Variants in DLG1 observed in about 807,000 individuals in gnomAD.
DLG1 encodes the protein disks large homolog 1.
A neutral mutation model predicts 123.4 loss-of-function variants in DLG1; 42 were observed. The ratio of observed to expected loss-of-function variants is 0.34; its 90% CI spans 0.27 to 0.44. The LOEUF is 0.44. Among genes scored for constraint, DLG1 ranks in the 20% least tolerant of loss-of-function variants. The probability of loss-of-function intolerance (pLI) is 1.00; values close to 1 mark genes in which losing one functional copy is unlikely to be tolerated. For synonymous variants in DLG1, 317 were observed against 356.2 expected (o/e 0.89, Z 1.24); for missense variants, 942 against 1,082.6 (o/e 0.87, Z 1.82).
At chr3:197,146,017 TA>T (rs1328575682) in intron 6 of DLG1, among the ~76,000 whole-genome samples, 2 of 149,226 alleles carry the variant, frequency 1.3e-5, no homozygotes, top group Non-Finnish European at 3.0e-5. Flanking sequence ...AATAAATAAA[TA>T]AAATAAAATA....
At chr3:197,228,692 G>T (rs2923680) in intron 4 of DLG1, among the ~76,000 whole-genome samples, 44,275 of 151,926 alleles carry the variant, frequency 0.29, 6,765 homozygotes, top group South Asian at 0.4. Context: ...TGATAGATTT[G>T]CACTAAAGTG....
intron 4 of DLG1, among the ~76,000 whole-genome samples, chr3:197,253,550 G>A (rs761782797): frequency 4.6e-5 from 7 of 152,130 alleles, no homozygotes; most frequent in African/African-American, 9.6e-5. Context: ...TTCACTCCCC[G>A]GCAATCTCTT....
chr3:197,247,989 CCTTTGA>C (rs1185878373), intron 4 of DLG1, among the ~76,000 whole-genome samples: 1 of 152,050 alleles, frequency 6.6e-6, no homozygotes, highest in Non-Finnish European at 1.5e-5. Context: ...TCAGTATAAG[CCTTTGA>C]CTTTGACTCC....
chr3:197,223,935 C>T (rs928746922), intron 4 of DLG1, among the ~76,000 whole-genome samples: 1 of 152,124 alleles, frequency 6.6e-6, no homozygotes, highest in East Asian at 1.9e-4. Context: ...TATTTCTACA[C>T]GTCTCTTGTC....
At chr3:197,287,403 A>G (rs1407238359) in intron 3 of DLG1, among the ~76,000 whole-genome samples, 3 of 152,238 alleles carry the variant, frequency 2.0e-5, no homozygotes, top group African/African-American at 7.2e-5. Context: ...CAATCTTGGC[A>G]ATAGATTATA....
intron 11 of DLG1, 74 bp downstream of exon 11, chr3:197,130,453 G>A: frequency 8.0e-7 from 1 of 1,244,702 alleles, no homozygotes; most frequent in Non-Finnish European, 1.1e-6. Context: ...TTATTATACT[G>A]AGAACATTTC....
At chr3:197,257,482 C>T (rs1336736545) in intron 4 of DLG1, among the ~76,000 whole-genome samples, 3 of 152,118 alleles carry the variant, frequency 2.0e-5, no homozygotes, top group African/African-American at 7.2e-5. Context: ...GGAACTGTTT[C>T]AGAAGACAAG....
intron 4 of DLG1, among the ~76,000 whole-genome samples, chr3:197,255,432 T>C (rs759763008): frequency 2.0e-5 from 3 of 152,214 alleles, no homozygotes; most frequent in Non-Finnish European, 4.4e-5. Flanking sequence ...AAGTGTGTCA[T>C]TGATTCCTGC....
At chr3:197,070,737 T>A (rs1368980079) in intron 18 of DLG1, 1 of 151,802 alleles carries the variant, frequency 6.6e-6, no homozygotes, top group Non-Finnish European at 1.5e-5. Context: ...CATGCCCAAC[T>A]AATTTTTCTA....
intron 5 of DLG1, among the ~76,000 whole-genome samples, chr3:197,186,518 A>G (rs1430442798): frequency 6.6e-6 from 1 of 152,214 alleles, no homozygotes; most frequent in African/African-American, 2.4e-5. Context: ...TAAACAATAG[A>G]GAAAGCTTAA....
At chr3:197,070,020 C>T (rs1742516674) in intron 18 of DLG1, 1 of 152,166 alleles carries the variant, frequency 6.6e-6, no homozygotes, top group African/African-American at 2.4e-5. Flanking sequence ...AACAAACACA[C>T]CCAGCCAGAA....
chr3:197,119,975 G>A (rs1199135677), intron 11 of DLG1, among the ~76,000 whole-genome samples: 1 of 152,114 alleles, frequency 6.6e-6, no homozygotes, highest in Non-Finnish European at 1.5e-5. Flanking sequence ...AGCAAAAACT[G>A]TCGTCCAGGC....
chr3:197,054,427 T>A (rs1362523510), intron 23 of DLG1, among the ~76,000 whole-genome samples: 3 of 122,030 alleles, frequency 2.5e-5, no homozygotes, highest in Non-Finnish European at 5.7e-5. Context: ...TTTTCTTCAG[T>A]CATTTCTCTG....
At chr3:197,205,702 C>T (rs116727645) in intron 4 of DLG1, among the ~76,000 whole-genome samples, 2,266 of 152,284 alleles carry the variant, frequency 0.015, 31 homozygotes, top group Non-Finnish European at 0.023. Flanking sequence ...GAGAACAAAA[C>T]TTTTCTATGG....
intron 4 of DLG1, among the ~76,000 whole-genome samples, chr3:197,215,564 C>A (rs2971442): frequency 0.14 from 20,550 of 151,848 alleles, 1,755 homozygotes; most frequent in South Asian, 0.34. Context: ...TGATTCTATT[C>A]ATCAGAAGAT....
chr3:197,264,033 T>G (rs932390577), intron 4 of DLG1, among the ~76,000 whole-genome samples: 1 of 152,124 alleles, frequency 6.6e-6, no homozygotes, highest in Non-Finnish European at 1.5e-5. Flanking sequence ...TAAGATGAAA[T>G]AGTCAAATAT....
intron 4 of DLG1, among the ~76,000 whole-genome samples, chr3:197,204,879 A>G (rs1343969858): frequency 6.6e-6 from 1 of 152,138 alleles, no homozygotes; most frequent in Non-Finnish European, 1.5e-5. Flanking sequence ...GAAGATGACT[A>G]TTCATTCACT....
At chr3:197,115,896 CA>C in intron 13 of DLG1, 30 bp downstream of exon 13, 2 of 1,599,854 alleles carry the variant, frequency 1.3e-6, no homozygotes, top group Non-Finnish European at 1.7e-6. Flanking sequence ...GTGAAAATAA[CA>C]AAAACGTGAT....
chr3:197,189,160 C>G (rs1310688272), intron 5 of DLG1, among the ~76,000 whole-genome samples: 2 of 152,154 alleles, frequency 1.3e-5, no homozygotes, highest in African/African-American at 4.8e-5. Flanking sequence ...GGTAATCCAT[C>G]CAAAGGAAAG....
Sources: allele counts gnomAD v4.1 joint callset (sites outside exome capture counted in the v4.1 genomes callset), GRCh38; gene constraint gnomAD v4.1.1; transcripts MANE v1.5; gene names NCBI Gene and HGNC (gene_info 2026-07-23, HGNC 2026-07-21).